The following TAMM41 variants were observed in gnomAD, a reference collection of about 807,000 sequenced individuals.
TAMM41 encodes phosphatidate cytidylyltransferase, mitochondrial.
A neutral mutation model predicts 44.1 loss-of-function variants in TAMM41; 36 were observed. The ratio of observed to expected loss-of-function variants is 0.82; its 90% CI spans 0.63 to 1.08. The LOEUF is 1.08. TAMM41 is among the 50% of genes least tolerant of loss of function. The probability of loss-of-function intolerance (pLI) is 0.00; values close to 1 mark genes in which losing one functional copy is unlikely to be tolerated. For missense variants in TAMM41, 417 were observed against 404.3 expected, an observed-to-expected ratio of 1.03 and a Z score of -0.27; for synonymous variants, 164 against 153.1, an observed-to-expected ratio of 1.07 and a Z score of -0.53.
At chr3:11,798,195 A>G (rs78893464) in intron 7 of TAMM41, among the ~76,000 whole-genome samples, 1,915 of 152,340 alleles carry the variant, frequency 0.013, 44 homozygotes, top group African/African-American at 0.044. Context: ...GGACACATGC[A>G]TATGTATACT....
the TAMM41 span, among the ~76,000 whole-genome samples, chr3:11,764,486 CTTTTTT>C: frequency 9.5e-4 from 65 of 68,138 alleles, 1 homozygote; most frequent in African/African-American, 4.0e-3. Context: ...TAATCTTATT[CTTTTTT>C]TTTTTTTTTT....
At chr3:11,729,258 G>C in the TAMM41 span, among the ~76,000 whole-genome samples, 1 of 151,966 alleles carries the variant, frequency 6.6e-6, no homozygotes, top group Admixed American at 6.6e-5. Flanking sequence ...TATTCTTGCT[G>C]TCTTTCCTAT....
the TAMM41 span, among the ~76,000 whole-genome samples, chr3:11,725,474 T>C: frequency 6.6e-6 from 1 of 150,800 alleles, no homozygotes; most frequent in Non-Finnish European, 1.5e-5. Flanking sequence ...CTTCTCATTC[T>C]GTCACCCAGG....
chr3:11,780,244 G>A, the TAMM41 span, among the ~76,000 whole-genome samples: 2 of 152,198 alleles, frequency 1.3e-5, no homozygotes, highest in African/African-American at 4.8e-5. Context: ...CATTTCTCCA[G>A]CCTCACTCCT....
At chr3:11,791,344 A>T (rs758458412) in intron 7 of TAMM41, among the ~76,000 whole-genome samples, 2 of 152,204 alleles carry the variant, frequency 1.3e-5, no homozygotes, top group Non-Finnish European at 2.9e-5. Flanking sequence ...GGAGTGTGTG[A>T]TGAAACTGGA....
intron 5 of TAMM41, among the ~76,000 whole-genome samples, chr3:11,813,872 A>ATGTATATATGTATATATG (rs1360212235): frequency 2.8e-5 from 4 of 142,722 alleles, no homozygotes; most frequent in Non-Finnish European, 3.0e-5. Flanking sequence ...ATGTATATAT[A>ATGTATATATGTATATATG]TGTATATATG....
chr3:11,745,159 G>A, the TAMM41 span, among the ~76,000 whole-genome samples: 23 of 152,104 alleles, frequency 1.5e-4, no homozygotes, highest in Admixed American at 7.2e-4. Context: ...CACCACACCC[G>A]GCCTACAAAT....
the TAMM41 span, among the ~76,000 whole-genome samples, chr3:11,770,715 C>A: frequency 6.6e-6 from 1 of 152,144 alleles, no homozygotes; most frequent in Non-Finnish European, 1.5e-5. Flanking sequence ...TGGGCGTGAA[C>A]AGAGCACGCT....
At chr3:11,834,213 G>T (rs1361058986) in intron 3 of TAMM41, among the ~76,000 whole-genome samples, 1 of 151,890 alleles carries the variant, frequency 6.6e-6, no homozygotes, top group Non-Finnish European at 1.5e-5. Context: ...CTTCAGCCTG[G>T]GTGACAAAGC....
chr3:11,833,539 C>A (rs976363938), intron 3 of TAMM41, among the ~76,000 whole-genome samples: 10 of 152,174 alleles, frequency 6.6e-5, no homozygotes, highest in African/African-American at 2.4e-4. Context: ...GAAGAAGAAA[C>A]GCTGAACATT....
At chr3:11,846,468 G>T (rs1344323203) in intron 1 of TAMM41, 34 bp downstream of exon 1, 3 of 1,613,514 alleles carry the variant, frequency 1.9e-6, no homozygotes, top group Middle Eastern at 1.7e-4. Flanking sequence ...CGTGAGAACA[G>T]ACAGTTCCCC....
chr3:11,749,937 GC>G, the TAMM41 span, among the ~76,000 whole-genome samples: 5 of 142,482 alleles, frequency 3.5e-5, no homozygotes, highest in African/African-American at 5.3e-5. Context: ...TTGCTCTGTT[GC>G]CCAGGCTGGA....
At chr3:11,752,427 C>T in the TAMM41 span, among the ~76,000 whole-genome samples, 1 of 151,998 alleles carries the variant, frequency 6.6e-6, no homozygotes, top group African/African-American at 2.4e-5. Context: ...CTGATTGGTC[C>T]ATTTTACAGA....
chr3:11,770,782 C>T, the TAMM41 span, among the ~76,000 whole-genome samples: 1 of 152,170 alleles, frequency 6.6e-6, no homozygotes, highest in Non-Finnish European at 1.5e-5. Flanking sequence ...AGCATGGGGG[C>T]AGGGGAGGCA....
At chr3:11,756,312 T>A in the TAMM41 span, among the ~76,000 whole-genome samples, 1 of 152,160 alleles carries the variant, frequency 6.6e-6, no homozygotes, top group African/African-American at 2.4e-5. Flanking sequence ...ATCCTGAGTG[T>A]GATTCTCTTT....
the TAMM41 span, among the ~76,000 whole-genome samples, chr3:11,755,676 G>C: frequency 6.6e-6 from 1 of 152,094 alleles, no homozygotes; most frequent in Admixed American, 6.6e-5. Context: ...CAGCACTAAG[G>C]CTGCCTGGCA....
chr3:11,844,249 T>C, intron 1 of TAMM41, 38 bp from the exon 2 acceptor site: 2 of 1,594,966 alleles, frequency 1.3e-6, no homozygotes, highest in Non-Finnish European at 1.7e-6. Flanking sequence ...TCAGTATTAA[T>C]TCCTAGAAAG....
the TAMM41 span, among the ~76,000 whole-genome samples, chr3:11,736,629 G>C: frequency 6.6e-6 from 1 of 152,152 alleles, no homozygotes; most frequent in South Asian, 2.1e-4. Flanking sequence ...TCACAGCGGG[G>C]CCTCAGCGCA....
At chr3:11,725,403 C>CTTCTTCTTCTTCTTCT in the TAMM41 span, among the ~76,000 whole-genome samples, 1 of 129,458 alleles carries the variant, frequency 7.7e-6, no homozygotes, top group African/African-American at 3.1e-5. Context: ...TTTCTTCTTC[C>CTTCTTCTTCTTCTTCT]TCTTCTTCTT....
Sources: gnomAD v4.1 joint callset for allele counts (sites outside exome capture counted in the v4.1 genomes callset) on GRCh38, gnomAD v4.1.1 for gene constraint, MANE v1.5 for transcripts, NCBI Gene and HGNC (gene_info 2026-07-23, HGNC 2026-07-21) for gene names.